Variants in AOX1 observed in about 807,000 individuals in gnomAD.
AOX1 encodes the protein aldehyde oxidase.
In AOX1, 153 loss-of-function variants were observed where a neutral mutation model predicts 169.5. That is an observed-to-expected ratio of 0.90 (90% confidence interval 0.79 to 1.03). The LOEUF (loss-of-function observed/expected upper bound fraction) is 1.03. Among genes scored for constraint, AOX1 ranks in the 50% least tolerant of loss-of-function variants. AOX1 has a pLI of 0.00. For synonymous variants in AOX1, 562 were observed against 581.9 expected, an observed-to-expected ratio of 0.97 and a Z score of 0.49; for missense variants, 1,656 against 1,663.9, an observed-to-expected ratio of 1.00 and a Z score of 0.08.
chr2:200,611,572 G>A, intron 13 of AOX1, 79 bp downstream of exon 13: 2 of 922,640 alleles, frequency 2.2e-6, no homozygotes, highest in African/African-American at 1.6e-5. Flanking sequence ...GGTGGAATAA[G>A]AAAAAGGGTG....
intron 10 of AOX1, among the ~76,000 whole-genome samples, chr2:200,608,109 A>T (rs892700330): frequency 6.6e-6 from 1 of 151,898 alleles, no homozygotes; most frequent in Admixed American, 6.6e-5. Flanking sequence ...CATTCTGTAC[A>T]TGTATCCTAG....
chr2:200,672,295 C>G (rs1461530146), downstream of AOX1, among the ~76,000 whole-genome samples: 2 of 152,132 alleles, frequency 1.3e-5, no homozygotes, highest in Admixed American at 6.5e-5. Flanking sequence ...AATTATACCT[C>G]AATTTTTAAA....
chr2:200,589,716 C>T (rs983087405), intron 1 of AOX1, among the ~76,000 whole-genome samples: 10 of 152,284 alleles, frequency 6.6e-5, no homozygotes, highest in African/African-American at 2.4e-4. Context: ...GAGCCAGAAC[C>T]TGCTTAGAGG....
At chr2:200,612,583 A>T (rs754680365) in intron 13 of AOX1, 26 bp from the exon 14 acceptor site, 11 of 1,609,144 alleles carry the variant, frequency 6.8e-6, no homozygotes, top group Admixed American at 3.3e-5. Flanking sequence ...GTGTTTCTAC[A>T]TGTGCCACTT....
downstream of AOX1, chr2:200,681,336 C>A (rs1310091408): frequency 6.6e-6 from 1 of 152,664 alleles, no homozygotes; most frequent in East Asian, 1.9e-4. Context: ...AACTTTCCAC[C>A]TGGAGCCCTG....
chr2:200,633,416 T>A (rs1481243706), intron 20 of AOX1, among the ~76,000 whole-genome samples: 1 of 152,148 alleles, frequency 6.6e-6, no homozygotes, highest in Non-Finnish European at 1.5e-5. Flanking sequence ...GCTTTTCAGA[T>A]TGGCCAATTT....
chr2:200,666,766 ATGTGTCTCACTTTCTATT>A lies in AOX1; in HGVS notation c.3609+18_3609+35del, dbSNP rs751912259. ...GACATAGGCCAGGTACGTGTAACTGATGTGTCTCACTTTCTATTTGTAAAAGCCAAAAGTGCGGTGGGG... is the reference window on the plus strand; with the variant it reads ...GACATAGGCCAGGTACGTGTAACTGATGTAAAAGCCAAAAGTGCGGTGGGG... On this transcript the variant is annotated intron_variant, in intron 32 of 34. Coordinates refer to ENST00000374700, the MANE Select transcript of AOX1 (RefSeq NM_001159.4). 2.5e-6 allele frequency: 4 copies of A among 1,601,178 alleles called. No individual in the cohort carries two copies.
At chr2:200,681,945 G>T (rs2036157592), downstream of AOX1, among the ~76,000 whole-genome samples, 1 of 151,106 alleles carries the variant, frequency 6.6e-6, no homozygotes, top group Non-Finnish European at 1.5e-5. Context: ...TTTATTATTT[G>T]CTATGGTTGT....
At chr2:200,623,744 G>A (rs574462234) in intron 18 of AOX1, 117 bp from the exon 19 acceptor site, 11 of 1,501,080 alleles carry the variant, frequency 7.3e-6, no homozygotes, top group East Asian at 2.3e-5. Flanking sequence ...GGTCACACCT[G>A]TGTGTATCTA....
At chr2:200,642,455 C>CAAA (rs58708868) in intron 24 of AOX1, among the ~76,000 whole-genome samples, 155 bp from the exon 25 acceptor site, 17,267 of 151,962 alleles carry the variant, frequency 0.11, 1,653 homozygotes, top group African/African-American at 0.25. Context: ...TATTTTACAG[C>CAAA]AAAAAATGTG....
intron 1 of AOX1, among the ~76,000 whole-genome samples, chr2:200,586,868 C>T (rs376871787): frequency 6.6e-6 from 1 of 152,156 alleles, no homozygotes; most frequent in Non-Finnish European, 1.5e-5. Flanking sequence ...GCAAAGCCCC[C>T]TGGGCATCCT....
chr2:200,608,662 G>T (rs1387607939), intron 10 of AOX1, among the ~76,000 whole-genome samples: 1 of 152,236 alleles, frequency 6.6e-6, no homozygotes, highest in East Asian at 1.9e-4. Context: ...TCAATAGAGT[G>T]AGTGTTCAAA....
At chr2:200,616,259 T>C (rs1262986484) in intron 16 of AOX1, among the ~76,000 whole-genome samples, 196 bp downstream of exon 16, 1 of 152,192 alleles carries the variant, frequency 6.6e-6, no homozygotes, top group African/African-American at 2.4e-5. Flanking sequence ...CTAGCAGTGG[T>C]AATATTAAAG....
intron 20 of AOX1, among the ~76,000 whole-genome samples, chr2:200,634,066 T>C (rs146093378): frequency 6.6e-6 from 1 of 152,208 alleles, no homozygotes; most frequent in Non-Finnish European, 1.5e-5. Context: ...TTTCATGGTG[T>C]TTGCCTGGAG....
In AOX1 at chr2:200,605,709, G is replaced by T. The variant is rs2034501155; in HGVS notation, c.907+81G>T. On this transcript the variant is annotated intron_variant, in intron 10 of 34. Coordinates refer to ENST00000374700, the MANE Select transcript of AOX1 (RefSeq NM_001159.4). ...CTTGCCCAGCAGACAAGCAGAAAAA[G>T]AATGATTCCTAATTATAATACACAC... 5.0e-6 allele frequency: 3 copies of T among 601,724 alleles called. No homozygotes were observed. The African/African-American group carries it at 5.7e-5, about 11-fold the overall frequency. 37.3% of individuals were successfully genotyped at this position (601,724 alleles called of 1,614,324 possible).
At chr2:200,631,235 G>T (rs1192279345) in intron 20 of AOX1, among the ~76,000 whole-genome samples, 1 of 152,182 alleles carries the variant, frequency 6.6e-6, no homozygotes, top group Non-Finnish European at 1.5e-5. Flanking sequence ...GGCTAGAGAG[G>T]CTACCTGATT....
chr2:200,596,870 A>T (rs560730883), intron 3 of AOX1, among the ~76,000 whole-genome samples: 1 of 152,132 alleles, frequency 6.6e-6, no homozygotes, highest in South Asian at 2.1e-4. Flanking sequence ...GGTTTTTAGA[A>T]TGGGAGTGGC....
At chr2:200,616,135 T>A (rs1287204843) in intron 16 of AOX1, 72 bp downstream of exon 16, 5 of 1,093,138 alleles carry the variant, frequency 4.6e-6, no homozygotes, top group Non-Finnish European at 6.9e-6. Flanking sequence ...ATTCCCACTG[T>A]CTCTCCGTGA....
At chr2:200,665,681 C>A (rs749342250) in intron 31 of AOX1, among the ~76,000 whole-genome samples, 4 of 152,210 alleles carry the variant, frequency 2.6e-5, no homozygotes, top group African/African-American at 4.8e-5. Flanking sequence ...ATCTGCCCCC[C>A]TCGGCCTCCC....
Sources: gnomAD v4.1 joint callset for allele counts (sites outside exome capture counted in the v4.1 genomes callset) on GRCh38, gnomAD v4.1.1 for gene constraint, MANE v1.5 for transcripts, NCBI Gene and HGNC (gene_info 2026-07-23, HGNC 2026-07-21) for gene names.